CADM2: variants seen among roughly 807,000 people sequenced by gnomAD.
CADM2 encodes cell adhesion molecule 2.
Under a neutral mutation model 49.8 loss-of-function variants are expected in CADM2, and 12 were observed. The ratio of observed to expected loss-of-function variants is 0.24; its 90% confidence interval spans 0.15 to 0.39. The LOEUF (loss-of-function observed/expected upper bound fraction) is 0.39. CADM2 is among the 10% of genes least tolerant of loss of function. The pLI, the probability that CADM2 is intolerant of heterozygous loss-of-function variation, is 1.00. For missense variants in CADM2, 378 were observed against 492.3 expected (o/e 0.77, Z 2.20); for synonymous variants, 214 against 175.4 (o/e 1.22, Z -1.74).
intron 6 of CADM2, among the ~76,000 whole-genome samples, chr3:85,927,577 A>G (rs1720037599): frequency 6.6e-6 from 1 of 152,188 alleles, no homozygotes; most frequent in Non-Finnish European, 1.5e-5. Context: ...AATTTTGTGA[A>G]CAAATAAAAT....
chr3:85,354,708 T>TCA (rs1349891240), intron 1 of CADM2, among the ~76,000 whole-genome samples: 1 of 150,704 alleles, frequency 6.6e-6, no homozygotes, highest in African/African-American at 2.4e-5. Flanking sequence ...ATGAAGATGT[T>TCA]CATAAATTTG....
At chr3:85,619,341 A>T (rs567547012) in intron 1 of CADM2, among the ~76,000 whole-genome samples, 2 of 151,958 alleles carry the variant, frequency 1.3e-5, no homozygotes, top group Non-Finnish European at 2.9e-5. Flanking sequence ...ATGGAACTTT[A>T]AACTTTCAAA....
At chr3:86,027,143 A>C (rs555068368) in intron 8 of CADM2, among the ~76,000 whole-genome samples, 1 of 152,264 alleles carries the variant, frequency 6.6e-6, no homozygotes, top group South Asian at 2.1e-4. Flanking sequence ...TGCTATTTGA[A>C]AACTTTTTTA....
At chr3:85,885,851 CAAAA>C (rs34486931) in intron 4 of CADM2, among the ~76,000 whole-genome samples, 1 of 91,506 alleles carries the variant, frequency 1.1e-5, no homozygotes, top group Admixed American at 1.4e-4. Flanking sequence ...GATCCTGTCT[CAAAA>C]AAAAAAAAAA....
At chr3:86,054,600 C>G (rs998726135) in intron 8 of CADM2, among the ~76,000 whole-genome samples, 2 of 151,980 alleles carry the variant, frequency 1.3e-5, no homozygotes, top group African/African-American at 4.8e-5. Context: ...TATAAACGAT[C>G]TCATTGGCAA....
intron 5 of CADM2, among the ~76,000 whole-genome samples, chr3:85,889,326 T>A (rs1714107729): frequency 6.6e-6 from 1 of 152,158 alleles, no homozygotes; most frequent in Non-Finnish European, 1.5e-5. Flanking sequence ...GAACAGTGGT[T>A]CTGAAGCTGT....
At chr3:86,044,195 G>A (rs1329463188) in intron 8 of CADM2, among the ~76,000 whole-genome samples, 5 of 152,162 alleles carry the variant, frequency 3.3e-5, no homozygotes, top group African/African-American at 1.2e-4. Context: ...GGCAACACAA[G>A]CCAAAATTGA....
chr3:86,030,286 T>A (rs1734404762), intron 8 of CADM2, among the ~76,000 whole-genome samples: 1 of 152,006 alleles, frequency 6.6e-6, no homozygotes, highest in Non-Finnish European at 1.5e-5. Flanking sequence ...GCAACAGACA[T>A]TTGTATGATT....
chr3:85,728,540 GA>G (rs1018928855), intron 2 of CADM2, among the ~76,000 whole-genome samples: 13 of 144,388 alleles, frequency 9.0e-5, no homozygotes, highest in Non-Finnish European at 1.5e-4. Flanking sequence ...TCTTCAAACA[GA>G]AAAAAAAAAG....
chr3:85,975,106 A>G (rs1726614127), intron 8 of CADM2, among the ~76,000 whole-genome samples: 2 of 151,482 alleles, frequency 1.3e-5, no homozygotes, highest in South Asian at 2.1e-4. Context: ...AAATATATGT[A>G]TAAAGATATA....
At chr3:85,126,022 C>A (rs2039022085) in intron 1 of CADM2, among the ~76,000 whole-genome samples, 1 of 151,960 alleles carries the variant, frequency 6.6e-6, no homozygotes, top group Non-Finnish European at 1.5e-5. Flanking sequence ...GTAGTTTATA[C>A]CAGACTATGA....
At chr3:85,529,377 T>A (rs2061243831) in intron 1 of CADM2, among the ~76,000 whole-genome samples, 1 of 152,214 alleles carries the variant, frequency 6.6e-6, no homozygotes, top group African/African-American at 2.4e-5. Context: ...GACATTTGGA[T>A]ACATGCATTT....
chr3:85,928,670 C>A (rs956463511), intron 6 of CADM2, among the ~76,000 whole-genome samples: 3 of 152,080 alleles, frequency 2.0e-5, no homozygotes, highest in Admixed American at 6.6e-5. Context: ...TTTAAAATAT[C>A]TGCGTATTTT....
intron 8 of CADM2, among the ~76,000 whole-genome samples, chr3:85,968,435 A>G (rs1257192972): frequency 6.6e-6 from 1 of 151,694 alleles, no homozygotes. Context: ...TAAAGTAGGT[A>G]CACTAAGGTT....
At chr3:85,915,793 G>T (rs1240530574) in intron 6 of CADM2, among the ~76,000 whole-genome samples, 4 of 152,052 alleles carry the variant, frequency 2.6e-5, no homozygotes, top group Admixed American at 2.6e-4. Flanking sequence ...CTAAAAGACT[G>T]GCCCAAATGG....
In CADM2 at chr3:85,359,668, T is replaced by TATATATATATATA. The variant is rs1559799260; in HGVS notation, c.62-366854_62-366853insATATATATATATA. 1.7e-3 allele frequency among the ~76,000 whole-genome samples: 38 copies of TATATATATATATA among 22,432 alleles called. No individual in the cohort carries two copies. In the East Asian group the frequency reaches 0.02, roughly 12 times the overall value. The allele number at this position is 22,432 out of a possible 152,430, so 14.7% of individuals were successfully genotyped here. A position where few individuals can be genotyped will look rare whatever the true frequency, so the allele number is the denominator to read the frequency against. On this transcript the variant is annotated intron_variant, in intron 1 of 9. Transcript: ENST00000383699. Reference sequence around the variant, plus strand: ...TATATATATATATATATATATATATTTTTTTTTTTGGTGGAGGGGAGAAGA... The same window carrying TATATATATATATA: ...TATATATATATATATATATATATATTATATATATATATATTTTTTTTTGGTGGAGGGGAGAAGA...
At chr3:85,540,020 G>A (rs1158034656) in intron 1 of CADM2, among the ~76,000 whole-genome samples, 1 of 152,036 alleles carries the variant, frequency 6.6e-6, no homozygotes, top group Non-Finnish European at 1.5e-5. Context: ...GTAAAAGAGA[G>A]ACCAGAGCCC....
intron 1 of CADM2, among the ~76,000 whole-genome samples, chr3:85,270,422 A>G (rs1466079313): frequency 1.3e-5 from 2 of 151,402 alleles, no homozygotes; most frequent in African/African-American, 2.4e-5. Context: ...TGTGTTTCAT[A>G]AAGAGATAAA....
At chr3:85,543,722 G>C (rs1401808589) in intron 1 of CADM2, among the ~76,000 whole-genome samples, 1 of 152,024 alleles carries the variant, frequency 6.6e-6, no homozygotes, top group African/African-American at 2.4e-5. Flanking sequence ...ATCCAGCAAG[G>C]GCCTCTTACT....
Sources: allele counts gnomAD v4.1 joint callset (sites outside exome capture counted in the v4.1 genomes callset), GRCh38; gene constraint gnomAD v4.1.1; transcripts MANE v1.5; gene names NCBI Gene and HGNC (gene_info 2026-07-23, HGNC 2026-07-21).